Variants in CTTNBP2NL observed in about 807,000 individuals in gnomAD.
CTTNBP2NL encodes CTTNBP2 N-terminal-like protein.
A neutral mutation model predicts 32.5 loss-of-function variants in CTTNBP2NL; 16 were observed. The observed-to-expected ratio is 0.49, with a 90% CI of 0.33 to 0.75. The LOEUF (loss-of-function observed/expected upper bound fraction) is 0.75. CTTNBP2NL is among the 30% of genes least tolerant of loss of function. The probability of loss-of-function intolerance (pLI) is 0.02; values close to 1 mark genes in which losing one functional copy is unlikely to be tolerated. For synonymous variants in CTTNBP2NL, 298 were observed against 289.4 expected (o/e 1.03, Z -0.30); for missense variants, 645 against 756.0 (o/e 0.85, Z 1.72).
At chr1:112,416,538 G>A (rs946153928) in intron 3 of CTTNBP2NL, among the ~76,000 whole-genome samples, 6 of 148,322 alleles carry the variant, frequency 4.0e-5, no homozygotes, top group Non-Finnish European at 5.9e-5. Flanking sequence ...TCACTCTGTC[G>A]CCAGGCTGGA....
At chr1:112,453,584 T>G (rs2101033817) in intron 4 of CTTNBP2NL, among the ~76,000 whole-genome samples, 1 of 152,106 alleles carries the variant, frequency 6.6e-6, no homozygotes, top group East Asian at 1.9e-4. Flanking sequence ...AAACCCCATC[T>G]CTACAAAAAA....
chr1:112,456,919 C>T lies in CTTNBP2NL; in HGVS notation c.1427C>T (p.Ala476Val), dbSNP rs770589738. ...TCCCAAGCAGATCAGGACCAACAAG[C>T]CAGTGGCCTACAGAGCCCTCCATCC... ...FQSQADQDQQ[A>V]SGLQSPPSRD... Residue 476 changes from alanine (A) to valine (V), a missense_variant, in exon 6 of 6, where the codon GCC becomes GTC. By Grantham distance (64) the Ala-to-Val change is moderately conservative. Coordinates refer to ENST00000271277, the MANE Select transcript of CTTNBP2NL (RefSeq NM_018704.3). The T allele has an allele frequency of 4.3e-6, 7 of 1,613,988 alleles. No individual in the cohort carries two copies. Among genetic ancestry groups the T allele is most frequent in the Admixed American group, 3.3e-5 (2 of 59,998 alleles).
At chr1:112,429,354 T>C (rs980718486) in intron 3 of CTTNBP2NL, among the ~76,000 whole-genome samples, 4 of 152,158 alleles carry the variant, frequency 2.6e-5, no homozygotes, top group Non-Finnish European at 5.9e-5. Flanking sequence ...CTATCAAATT[T>C]AAAAATGCAG....
At position 112,407,840 on chromosome 1, in the gene CTTNBP2NL, CTTT is replaced by C. The variant is rs869134559; in HGVS notation, c.-133-4334_-133-4332del. On this transcript the variant is annotated intron_variant, in intron 1 of 5. Coordinates refer to ENST00000271277, the MANE Select transcript of CTTNBP2NL (RefSeq NM_018704.3). ...ACAAAAACGGCTTTCTTTTTTCTTTCTTTTTTTTTTTTTTTTTTTTTTGAGGCA... is the reference window on the plus strand; with the variant it reads ...ACAAAAACGGCTTTCTTTTTTCTTTCTTTTTTTTTTTTTTTTTTTGAGGCA... Among the ~76,000 whole-genome samples the C allele has an allele frequency of 2.5e-3, 237 of 96,042 alleles. 1 individual carries two copies. The highest frequency in any genetic ancestry group is 8.9e-3 in the African/African-American group (221 of 24,816). 63.0% of individuals were successfully genotyped at this position (96,042 alleles called of 152,430 possible). A position where few individuals can be genotyped will look rare whatever the true frequency, so the allele number is the denominator to read the frequency against.
At chr1:112,409,316 G>A (rs970063033) in intron 1 of CTTNBP2NL, among the ~76,000 whole-genome samples, 1 of 151,826 alleles carries the variant, frequency 6.6e-6, no homozygotes, top group Non-Finnish European at 1.5e-5. Flanking sequence ...TCTTAAGTTC[G>A]ATATCTGAGT....
rs1173904808 is a variant in CTTNBP2NL at position 112,460,602 on chromosome 1, C to T, written c.*3190C>T. 1.3e-5 allele frequency: 2 copies of T among 152,198 alleles called. No individual in the cohort carries two copies. Among genetic ancestry groups the T allele is most frequent in the African/African-American group, 4.8e-5 (2 of 41,460 alleles). The allele number at this position is 152,198 out of a possible 1,614,324, so 9.4% of individuals were successfully genotyped here. Reference sequence around the variant, plus strand: ...AAAGACCCTGAAGCCATCCATGGCTCATGTATTTCTGCTTAAGAAAGCATA... The same window carrying T: ...AAAGACCCTGAAGCCATCCATGGCTTATGTATTTCTGCTTAAGAAAGCATA... On this transcript the variant is annotated 3_prime_UTR_variant, in exon 6 of 6. Coordinates refer to ENST00000271277, the MANE Select transcript of CTTNBP2NL (RefSeq NM_018704.3).
chr1:112,424,435 G>A (rs917875510), intron 3 of CTTNBP2NL, among the ~76,000 whole-genome samples: 1 of 152,106 alleles, frequency 6.6e-6, no homozygotes, highest in Non-Finnish European at 1.5e-5. Context: ...TGGCCTTGTG[G>A]TAACTTAAAA....
chr1:112,437,387 T>C (rs1285654311), intron 3 of CTTNBP2NL, among the ~76,000 whole-genome samples: 4 of 152,256 alleles, frequency 2.6e-5, no homozygotes, highest in African/African-American at 7.2e-5. Flanking sequence ...ATCAGTGATA[T>C]TGAGCATTTT....
Position 112,448,979 on chromosome 1 carries a change from G to A in CTTNBP2NL, c.137G>A (p.Gly46Glu). 6.2e-7 allele frequency: 1 copy of A among 1,612,758 alleles called. No individual in the cohort carries two copies. Among genetic ancestry groups the A allele is most frequent in the Non-Finnish European group, 8.5e-7 (1 of 1,178,830 alleles). The change falls in exon 4 of 6, where the codon GGA becomes GAA. Residue 46 changes from glycine (G) to glutamate (E), a missense_variant. Coordinates refer to ENST00000271277, the MANE Select transcript of CTTNBP2NL (RefSeq NM_018704.3). Reference sequence around the variant, plus strand: ...GATACTTTCATTGAAGAACGCTATGGAAAATATAACATCAGTGATCCTTTA... The same window carrying A: ...GATACTTTCATTGAAGAACGCTATGAAAAATATAACATCAGTGATCCTTTA... ...HRDTFIEERY[G>E]KYNISDPLMA...
upstream of CTTNBP2NL, among the ~76,000 whole-genome samples, chr1:112,393,331 C>A (rs890459535): frequency 6.6e-6 from 1 of 152,036 alleles, no homozygotes; most frequent in Non-Finnish European, 1.5e-5. Flanking sequence ...CCCAAACCAG[C>A]AATAAACATT....
rs869134559 is a variant in CTTNBP2NL, at chr1:112,407,840, C to CTTTTTTTTTTTTTTTTTT, written c.-133-4349_-133-4332dup. On this transcript the variant is annotated intron_variant, in intron 1 of 5. Transcript: ENST00000271277. ...ACAAAAACGGCTTTCTTTTTTCTTT[C>CTTTTTTTTTTTTTTTTTT]TTTTTTTTTTTTTTTTTTTTTTGAG... Among the ~76,000 whole-genome samples, 116 of 96,042 alleles carry CTTTTTTTTTTTTTTTTTT rather than the reference C, an allele frequency of 1.2e-3. 4 individuals are homozygous for CTTTTTTTTTTTTTTTTTT. The highest frequency in any genetic ancestry group is 4.4e-3 in the East Asian group (14 of 3,172). The allele number at this position is 96,042 out of a possible 152,430, so 63.0% of individuals were successfully genotyped here. A position where few individuals can be genotyped will look rare whatever the true frequency, so the allele number is the denominator to read the frequency against.
chr1:112,452,645 C>CTTT (rs34842059), intron 4 of CTTNBP2NL, among the ~76,000 whole-genome samples: 13 of 133,098 alleles, frequency 9.8e-5, no homozygotes, highest in African/African-American at 2.8e-4. Context: ...CTCCTGGCCT[C>CTTT]TTTTTTTTTT....
At chr1:112,392,002 A>T (rs186726408), upstream of CTTNBP2NL, among the ~76,000 whole-genome samples, 1 of 152,044 alleles carries the variant, frequency 6.6e-6, no homozygotes, top group Admixed American at 6.5e-5. Flanking sequence ...ATAAATAAAT[A>T]AATAAATAAA....
chr1:112,413,013 T>C (rs1648928053), intron 2 of CTTNBP2NL, among the ~76,000 whole-genome samples: 1 of 152,194 alleles, frequency 6.6e-6, no homozygotes. Flanking sequence ...AGAATTCTTC[T>C]TTGTCATTGA....
intron 3 of CTTNBP2NL, among the ~76,000 whole-genome samples, chr1:112,443,826 T>A (rs1417218829): frequency 1.3e-5 from 2 of 152,236 alleles, no homozygotes; most frequent in East Asian, 3.8e-4. Flanking sequence ...AACAAGGGTT[T>A]TCTTATTGTT....
intron 3 of CTTNBP2NL, among the ~76,000 whole-genome samples, chr1:112,432,754 A>T (rs933804784): frequency 8.5e-5 from 10 of 118,312 alleles, no homozygotes; most frequent in South Asian, 4.7e-4. Context: ...TTCTATATTT[A>T]AAAAAAAAAA....
chr1:112,407,233 C>A (rs1648694088), intron 1 of CTTNBP2NL, among the ~76,000 whole-genome samples: 1 of 152,162 alleles, frequency 6.6e-6, no homozygotes, highest in Non-Finnish European at 1.5e-5. Context: ...TCAATTAGAT[C>A]CAGTTGTTCT....
At chr1:112,424,077 G>T (rs565739706) in intron 3 of CTTNBP2NL, among the ~76,000 whole-genome samples, 1 of 152,148 alleles carries the variant, frequency 6.6e-6, no homozygotes, top group Admixed American at 6.5e-5. Context: ...GGAAATCTTT[G>T]CCTAAACCAA....
At chr1:112,424,402 G>A (rs927240595) in intron 3 of CTTNBP2NL, among the ~76,000 whole-genome samples, 1 of 152,176 alleles carries the variant, frequency 6.6e-6, no homozygotes, top group Non-Finnish European at 1.5e-5. Flanking sequence ...CTTGATGCCA[G>A]TACCACACTG....
Sources: gnomAD v4.1 joint callset for allele counts (sites outside exome capture counted in the v4.1 genomes callset) on GRCh38, gnomAD v4.1.1 for gene constraint, MANE v1.5 for transcripts, NCBI Gene and HGNC (gene_info 2026-07-23, HGNC 2026-07-21) for gene names.